Variants in CAMTA1 observed in about 807,000 individuals in gnomAD.
CAMTA1 encodes calmodulin-binding transcription activator 1.
CAMTA1 carries 27 observed loss-of-function variants against 170.9 expected under a neutral mutation model. The ratio of observed to expected loss-of-function variants is 0.16; its 90% confidence interval spans 0.12 to 0.22. The LOEUF (loss-of-function observed/expected upper bound fraction) is 0.22, where lower values mean the gene tolerates loss of function less well. Ranked by LOEUF, CAMTA1 falls within the 10% of genes least tolerant of loss-of-function variation. The pLI is 1.00. For missense variants in CAMTA1, 1,619 were observed against 2,217.2 expected (o/e 0.73, Z 5.42); for synonymous variants, 833 against 891.5 (o/e 0.93, Z 1.17).
chr1:7,416,326 G>A (rs2091169339), intron 5 of CAMTA1, among the ~76,000 whole-genome samples: 2 of 152,306 alleles, frequency 1.3e-5, no homozygotes, highest in Non-Finnish European at 2.9e-5. Flanking sequence ...GTTTGGGGAA[G>A]TTCTCCTGGA....
chr1:7,621,166 G>A (rs2095595795), intron 6 of CAMTA1, among the ~76,000 whole-genome samples: 1 of 152,212 alleles, frequency 6.6e-6, no homozygotes, highest in Non-Finnish European at 1.5e-5. Context: ...AGCAGGCAGG[G>A]GTCCAGCCAG....
intron 5 of CAMTA1, among the ~76,000 whole-genome samples, chr1:7,357,364 G>C (rs962667982): frequency 3.3e-5 from 5 of 152,198 alleles, no homozygotes; most frequent in Admixed American, 1.3e-4. Context: ...TGAGGAGGGG[G>C]GTGAGCTGAT....
chr1:7,607,118 AGGATGGATGGATGGATGGAT>A (rs749176148), intron 6 of CAMTA1, among the ~76,000 whole-genome samples: 4 of 149,682 alleles, frequency 2.7e-5, no homozygotes, highest in East Asian at 2.0e-4. Context: ...GGTAGATGGA[AGGATGGATGGATGGATGGAT>A]GGATGGATGG....
At chr1:7,055,065 C>A (rs55888308) in intron 3 of CAMTA1, among the ~76,000 whole-genome samples, 1 of 151,998 alleles carries the variant, frequency 6.6e-6, no homozygotes, top group Non-Finnish European at 1.5e-5. Context: ...AGAGCAGCAC[C>A]GAGGGGATGC....
At chr1:7,594,888 T>C (rs993183943) in intron 6 of CAMTA1, among the ~76,000 whole-genome samples, 3 of 152,158 alleles carry the variant, frequency 2.0e-5, no homozygotes, top group African/African-American at 2.4e-5. Flanking sequence ...GTCGGAGATC[T>C]GGGTAGACAG....
At chr1:7,109,879 G>A (rs1215192469) in intron 4 of CAMTA1, among the ~76,000 whole-genome samples, 2 of 152,132 alleles carry the variant, frequency 1.3e-5, no homozygotes, top group African/African-American at 2.4e-5. Context: ...AGGAGCACTC[G>A]GGGTCTGAAG....
intron 5 of CAMTA1, among the ~76,000 whole-genome samples, chr1:7,421,779 G>A (rs976238076): frequency 6.6e-6 from 1 of 152,168 alleles, no homozygotes; most frequent in African/African-American, 2.4e-5. Flanking sequence ...GAGGCAGGAG[G>A]CCGTTCTCCT....
At chr1:6,790,633 T>C (rs981707444) in intron 1 of CAMTA1, among the ~76,000 whole-genome samples, 4 of 152,160 alleles carry the variant, frequency 2.6e-5, no homozygotes, top group African/African-American at 9.7e-5. Context: ...TAGTGAGAAC[T>C]GTATGAGCTG....
chr1:7,691,329 G>A (rs4908475), intron 11 of CAMTA1, among the ~76,000 whole-genome samples: 21,658 of 152,182 alleles, frequency 0.14, 1,676 homozygotes, highest in East Asian at 0.23. Flanking sequence ...GGGCTGGAGG[G>A]ACCCTCAGAG....
intron 11 of CAMTA1, among the ~76,000 whole-genome samples, chr1:7,721,419 C>G (rs1346804504): frequency 1.3e-5 from 2 of 152,176 alleles, no homozygotes; most frequent in Non-Finnish European, 2.9e-5. Context: ...TGTAAAATGT[C>G]TGGCTTACTG....
chr1:7,409,209 C>T (rs1013744186), intron 5 of CAMTA1, among the ~76,000 whole-genome samples: 1 of 152,216 alleles, frequency 6.6e-6, no homozygotes, highest in Non-Finnish European at 1.5e-5. Context: ...CCGTCATCTA[C>T]TAGACAATCC....
chr1:7,023,701 A>T (rs1485030869), intron 3 of CAMTA1, among the ~76,000 whole-genome samples: 2 of 152,224 alleles, frequency 1.3e-5, no homozygotes, highest in African/African-American at 4.8e-5. Flanking sequence ...ATAGATGGGG[A>T]TAAACAAAAG....
intron 3 of CAMTA1, among the ~76,000 whole-genome samples, chr1:7,084,110 A>G (rs1375861765): frequency 2.0e-5 from 3 of 152,116 alleles, no homozygotes; most frequent in African/African-American, 4.8e-5. Context: ...CTGAGACTGT[A>G]TAGACTATAG....
chr1:7,576,796 A>G (rs913323338), intron 6 of CAMTA1, among the ~76,000 whole-genome samples: 31 of 152,182 alleles, frequency 2.0e-4, no homozygotes, highest in Admixed American at 2.0e-3. Context: ...GAGAGAGTGC[A>G]TGGCCCCAGG....
intron 3 of CAMTA1, among the ~76,000 whole-genome samples, chr1:6,948,675 A>G (rs1381216104): frequency 2.0e-5 from 3 of 152,108 alleles, no homozygotes; most frequent in Non-Finnish European, 4.4e-5. Context: ...TGTATGGCGT[A>G]TGGCTTAATC....
At chr1:7,539,925 G>C (rs1240007086) in intron 6 of CAMTA1, among the ~76,000 whole-genome samples, 1 of 152,222 alleles carries the variant, frequency 6.6e-6, no homozygotes, top group Non-Finnish European at 1.5e-5. Context: ...CCTCTGCTGG[G>C]CTGTCCCTTA....
rs1038524420 is a variant in CAMTA1, at chr1:6,887,914, G to A, written c.234+62704G>A. 3 of 1,352,038 alleles carry A rather than the reference G, an allele frequency of 2.2e-6. No individual in the cohort carries two copies. The highest frequency in any genetic ancestry group is 2.9e-6 in the Non-Finnish European group (3 of 1,047,380). 83.8% of individuals were successfully genotyped at this position (1,352,038 alleles called of 1,614,324 possible). ...CTCTTGCCTCATCCGGAGTTATTAC[G>A]AAGGAGCTCCGCAGCCTGACTGAGC... On this transcript the variant is annotated intron_variant, in intron 3 of 22. Coordinates refer to ENST00000303635, the MANE Select transcript of CAMTA1 (RefSeq NM_015215.4). This position sits in a 1 kb window ranked among gnomAD's most constrained non-coding sequence, Gnocchi z 4.1.
Position 6,970,351 on chromosome 1 carries a change from A to G in CAMTA1, c.235-120953A>G, listed in dbSNP as rs1339960799. 1.3e-5 allele frequency among the ~76,000 whole-genome samples: 2 copies of G among 152,040 alleles called. No individual in the cohort carries two copies. Among genetic ancestry groups the G allele is most frequent in the African/African-American group, 4.8e-5 (2 of 41,394 alleles). On this transcript the variant is annotated intron_variant, in intron 3 of 22. Transcript: ENST00000303635. The surrounding 1 kb of genome is among the most constrained non-coding windows in gnomAD (Gnocchi z 4.4). ...GCACGACGTGCCATAAGCATCCTCC[A>G]TATGTATTGGAGCCGTGGAGTGCTC...
At chr1:7,506,247 G>A (rs1211601432) in intron 6 of CAMTA1, among the ~76,000 whole-genome samples, 3 of 152,158 alleles carry the variant, frequency 2.0e-5, no homozygotes, top group Admixed American at 2.0e-4. Flanking sequence ...AAGGAGAGCA[G>A]GGGTGGGACT....
Sources: allele counts gnomAD v4.1 joint callset (sites outside exome capture counted in the v4.1 genomes callset), GRCh38; gene constraint gnomAD v4.1.1; non-coding constraint Gnocchi (gnomAD v3.1); transcripts MANE v1.5; gene names NCBI Gene and HGNC (gene_info 2026-07-23, HGNC 2026-07-21).